The following TNNI3K variants were observed in gnomAD, a reference collection of about 807,000 sequenced individuals.
TNNI3K encodes serine/threonine-protein kinase TNNI3K.
TNNI3K carries 140 observed loss-of-function variants against 114.5 expected under a neutral mutation model. That is an observed-to-expected ratio of 1.22 (90% confidence interval 1.07 to 1.41). TNNI3K has a LOEUF of 1.41. Among genes scored for constraint, TNNI3K ranks in the 40% most tolerant of loss-of-function variants. TNNI3K has a pLI of 0.00. For synonymous variants in TNNI3K, 347 were observed against 347.5 expected (o/e 1.00, Z 0.02); for missense variants, 1,125 against 1,007.6 (o/e 1.12, Z -1.58).
chr1:74,457,456 A>C (rs1447182389), intron 20 of TNNI3K, among the ~76,000 whole-genome samples: 1 of 152,180 alleles, frequency 6.6e-6, no homozygotes, highest in African/African-American at 2.4e-5. Context: ...GTGATACGTC[A>C]TTGAAAAGTG....
intron 24 of TNNI3K, among the ~76,000 whole-genome samples, chr1:74,543,051 T>C (rs1646744457): frequency 1.4e-5 from 2 of 145,608 alleles, no homozygotes; most frequent in Non-Finnish European, 3.0e-5. Context: ...TTTCCTTTTC[T>C]TTTTCTTTTT....
chr1:74,420,697 T>C (rs1028911669), intron 17 of TNNI3K, among the ~76,000 whole-genome samples: 5 of 152,144 alleles, frequency 3.3e-5, no homozygotes, highest in Admixed American at 1.3e-4. Flanking sequence ...GACATTAAGA[T>C]GCAATGTTCC....
chr1:74,399,410 C>T (rs1411576244), intron 17 of TNNI3K, among the ~76,000 whole-genome samples: 6 of 152,122 alleles, frequency 3.9e-5, no homozygotes, highest in Admixed American at 6.5e-5. Context: ...GTTGAAAGGA[C>T]TTCTGACTCA....
intron 5 of TNNI3K, among the ~76,000 whole-genome samples, chr1:74,285,960 T>G (rs1657306892): frequency 6.6e-6 from 1 of 152,178 alleles, no homozygotes; most frequent in Non-Finnish European, 1.5e-5. Context: ...GTGTTTCCAT[T>G]GCTTGTCATC....
At chr1:74,351,364 G>A (rs1661329064) in intron 9 of TNNI3K, among the ~76,000 whole-genome samples, 1 of 151,190 alleles carries the variant, frequency 6.6e-6, no homozygotes, top group African/African-American at 2.4e-5. Flanking sequence ...TTCCCTTTGT[G>A]GGTAACCCAA....
chr1:74,437,079 A>T (rs769980224), intron 19 of TNNI3K, among the ~76,000 whole-genome samples: 2 of 152,070 alleles, frequency 1.3e-5, no homozygotes, highest in Non-Finnish European at 2.9e-5. Flanking sequence ...GAAAAAAAGT[A>T]GACTTCTCTT....
intron 21 of TNNI3K, among the ~76,000 whole-genome samples, chr1:74,476,479 CT>C (rs1557592000): frequency 6.6e-5 from 10 of 152,146 alleles, no homozygotes; most frequent in Admixed American, 5.9e-4. Context: ...TCTGCTACAA[CT>C]GAGCACTGTG....
At chr1:74,531,072 A>C (rs1410776957) in intron 23 of TNNI3K, among the ~76,000 whole-genome samples, 3 of 152,212 alleles carry the variant, frequency 2.0e-5, no homozygotes, top group Admixed American at 2.0e-4. Flanking sequence ...GCTCAAGCAG[A>C]ACCATGACCT....
chr1:74,522,306 T>G (rs1054006572), intron 23 of TNNI3K, among the ~76,000 whole-genome samples: 8 of 152,150 alleles, frequency 5.3e-5, no homozygotes, highest in African/African-American at 1.9e-4. Context: ...ATCCAAAGGA[T>G]GCAGCTGCCG....
At chr1:74,377,322 G>A (rs1294671448) in intron 17 of TNNI3K, 1 of 152,112 alleles carries the variant, frequency 6.6e-6, no homozygotes, top group East Asian at 2.0e-4. Context: ...GTCAAAGACA[G>A]AGATCCACAC....
At chr1:74,339,391 T>G (rs368100365) in intron 7 of TNNI3K, among the ~76,000 whole-genome samples, 1 of 152,142 alleles carries the variant, frequency 6.6e-6, no homozygotes, top group African/African-American at 2.4e-5. Context: ...GAAGATCTGC[T>G]ATGCCAATGG....
chr1:74,338,108 G>A (rs982049537), intron 7 of TNNI3K, among the ~76,000 whole-genome samples: 2 of 151,910 alleles, frequency 1.3e-5, no homozygotes, highest in Non-Finnish European at 1.5e-5. Flanking sequence ...AGGTAATAAT[G>A]CATATGTTTA....
intron 17 of TNNI3K, among the ~76,000 whole-genome samples, chr1:74,408,834 T>C (rs1019957159): frequency 2.0e-5 from 3 of 152,170 alleles, no homozygotes; most frequent in African/African-American, 7.2e-5. Context: ...GATAATTTCA[T>C]AACGTAGGTC....
At position 74,249,346 on chromosome 1, in the gene TNNI3K, G is replaced by T. The variant is rs543131822; in HGVS notation, c.150-113G>T. On this transcript the variant is annotated intron_variant, in intron 2 of 24. Coordinates refer to ENST00000326637, the MANE Select transcript of TNNI3K (RefSeq NM_015978.3). ...TTTCTGTAAGTGCAAAATAATCTTAGAAAAAATACATTTCTGAATTGATAG... is the reference window on the plus strand; with the variant it reads ...TTTCTGTAAGTGCAAAATAATCTTATAAAAAATACATTTCTGAATTGATAG... 352 of 1,113,426 alleles carry T rather than the reference G, an allele frequency of 3.2e-4. 1 individual carries two copies. The South Asian group carries it at 5.8e-3, about 18-fold the overall frequency. 69.0% of individuals were successfully genotyped at this position (1,113,426 alleles called of 1,614,324 possible).
At chr1:74,377,003 A>G (rs1662941942) in intron 17 of TNNI3K, 1 of 152,040 alleles carries the variant, frequency 6.6e-6, no homozygotes, top group South Asian at 2.1e-4. Context: ...AGAGAACTTT[A>G]AGAAAATCCT....
At chr1:74,342,314 C>G (rs543536502) in intron 7 of TNNI3K, among the ~76,000 whole-genome samples, 1 of 152,234 alleles carries the variant, frequency 6.6e-6, no homozygotes, top group Admixed American at 6.5e-5. Flanking sequence ...TTGCTTTTCC[C>G]TTCATGATAC....
chr1:74,475,647 G>A, intron 21 of TNNI3K: 1 of 717,072 alleles, frequency 1.4e-6, no homozygotes, highest in Non-Finnish European at 2.6e-6. Flanking sequence ...GAGTTAAGTG[G>A]CAGTTGCAGT....
intron 5 of TNNI3K, among the ~76,000 whole-genome samples, chr1:74,306,460 T>C (rs1658639447): frequency 6.6e-6 from 1 of 152,218 alleles, no homozygotes; most frequent in Non-Finnish European, 1.5e-5. Context: ...CCAAACTGCT[T>C]TCCACAGGGG....
At chr1:74,445,672 G>A (rs560596561) in intron 20 of TNNI3K, among the ~76,000 whole-genome samples, 4 of 146,718 alleles carry the variant, frequency 2.7e-5, no homozygotes, top group Non-Finnish European at 6.0e-5. Flanking sequence ...GTGCAGTGGC[G>A]GGATCTCGGC....
Sources: gnomAD v4.1 joint callset for allele counts (sites outside exome capture counted in the v4.1 genomes callset) on GRCh38, gnomAD v4.1.1 for gene constraint, MANE v1.5 for transcripts, NCBI Gene and HGNC (gene_info 2026-07-23, HGNC 2026-07-21) for gene names.